The following DDIAS variants were observed in gnomAD, a reference collection of about 807,000 sequenced individuals.
DDIAS encodes DNA damage-induced apoptosis suppressor protein.
A neutral mutation model predicts 15.7 loss-of-function variants in DDIAS; 14 were observed. The observed-to-expected ratio is 0.89, with a 90% CI of 0.59 to 1.39. DDIAS has a LOEUF of 1.39. DDIAS is among the 40% of genes most tolerant of loss of function. The pLI, the probability that DDIAS is intolerant of heterozygous loss-of-function variation, is 0.00. For synonymous variants in DDIAS, 355 were observed against 395.9 expected, an observed-to-expected ratio of 0.90 and a Z score of 1.23; for missense variants, 1,035 against 1,130.9, an observed-to-expected ratio of 0.92 and a Z score of 1.22.
rs1860727732 is a variant in DDIAS, at chr11:82,920,637, G to A, written c.113+5786G>A. On this transcript the variant is annotated intron_variant, in intron 3 of 5. Transcript: ENST00000533655. ...CATCTTGATTTCATTTTTGATCCAAGGATCATTCAGGAGCAGCTTATTTAA... is the reference window on the plus strand; with the variant it reads ...CATCTTGATTTCATTTTTGATCCAAAGATCATTCAGGAGCAGCTTATTTAA... 1.3e-5 allele frequency among the ~76,000 whole-genome samples: 2 copies of A among 152,120 alleles called. 1 individual carries two copies. The highest frequency in any genetic ancestry group is 4.1e-4 in the South Asian group (2 of 4,826).
At chr11:82,918,511 C>T (rs756967356) in intron 3 of DDIAS, among the ~76,000 whole-genome samples, 2 of 152,258 alleles carry the variant, frequency 1.3e-5, no homozygotes, top group Admixed American at 1.3e-4. Flanking sequence ...TCAGGTAATG[C>T]GATGCCTCCA....
rs979332400 is a variant in DDIAS, at chr11:82,919,754, C to T, written c.113+4903C>T. On this transcript the variant is annotated intron_variant, in intron 3 of 5. Coordinates refer to ENST00000533655, the MANE Select transcript of DDIAS (RefSeq NM_145018.4). The stretch of plus-strand genomic sequence containing the variant: ...TTTTTTTCGTTGGTTTTTTTTGAGA[C>T]GGAGTCTCACTCTGTCGCCCAGGCT... Among the ~76,000 whole-genome samples the T allele has an allele frequency of 9.9e-5, 15 of 152,090 alleles. No individual in the cohort carries two copies. In the South Asian group the frequency reaches 1.5e-3, roughly 15 times the overall value.
rs200129343 is a variant in DDIAS at position 82,931,746 on chromosome 11, A to G, written c.408A>G (p.Gln136=). ...FIFGVTNFEN[Q]PGQGSDASNF... The stretch of plus-strand genomic sequence containing the variant: ...TTCTTTCACAGAATTTTGAAAACCA[A>G]CCTGGACAAGGTTCAGATGCCAGTA... The change falls in exon 6 of 6, where the codon CAA becomes CAG. Residue 136 remains glutamine (Q), a synonymous_variant. Coordinates refer to ENST00000533655, the MANE Select transcript of DDIAS (RefSeq NM_145018.4). 6.3e-7 allele frequency: 1 copy of G among 1,580,288 alleles called. No individual in the cohort carries two copies. Among genetic ancestry groups the G allele is most frequent in the African/African-American group, 1.4e-5 (1 of 73,032 alleles).
chr11:82,926,221 C>T (rs1860859485), intron 3 of DDIAS, among the ~76,000 whole-genome samples: 1 of 151,308 alleles, frequency 6.6e-6, no homozygotes, highest in Non-Finnish European at 1.5e-5. Flanking sequence ...TCCTAAGTAG[C>T]TGGGACTACA....
Position 82,932,845 on chromosome 11 carries a change from C to A in DDIAS, c.1507C>A (p.Leu503Ile). The change falls in exon 6 of 6, where the codon CTA (leucine) becomes ATA (isoleucine). Residue 503 changes from leucine (L) to isoleucine (I), a missense_variant. By Grantham distance (5) the Leu-to-Ile change is conservative. Coordinates refer to ENST00000533655, the MANE Select transcript of DDIAS (RefSeq NM_145018.4). Reference protein sequence around the residue: ...DDFLFNCKGNLSPSVEKESQP... With the variant: ...DDFLFNCKGNISPSVEKESQP... ...CTTCCTTTTCAACTGTAAAGGAAAT[C>A]TAAGTCCTAGTGTTGAAAAGGAGTC... 1.9e-6 allele frequency: 3 copies of A among 1,613,402 alleles called. No homozygotes were observed. The African/African-American group carries it at 4.0e-5, about 22-fold the overall frequency.
At position 82,933,809 on chromosome 11, in the gene DDIAS, CA is replaced by C; in HGVS notation, c.2477del (p.Asn826IlefsTer2). ...NDKQQASPSCPKNIKTPSQKI... is the reference protein window; with the variant it reads ...NDKQQASPSCXKNIKTPSQKI... The stretch of plus-strand genomic sequence containing the variant: ...AAACAGCAAGCCAGCCCAAGCTGTC[CA>C]AAAAATATAAAAACACCTAGCCAGA... On this transcript the variant is annotated frameshift_variant, in exon 6 of 6. Transcript: ENST00000533655. LOFTEE classifies it low-confidence loss of function (END_TRUNC). 6.2e-7 allele frequency: 1 copy of C among 1,613,070 alleles called. No homozygotes were observed. Among genetic ancestry groups the C allele is most frequent in the Non-Finnish European group, 8.5e-7 (1 of 1,179,810 alleles).
chr11:82,928,938 G>A lies in DDIAS; in HGVS notation c.275G>A (p.Arg92Lys), dbSNP rs536127351. ...GGTCTTACTGCCACTGGTTTGCACA[G>A]GTAAGAATACTTAAAACATCCTTTT... is the stretch of plus-strand genomic sequence containing the variant. ...FFGLTATGLH[R>K]YIQDPNKIPE... is the part of the protein sequence containing the mutation. The change falls in exon 4 of 6, where the codon AGG becomes AAG. Residue 92 changes from arginine (R) to lysine (K), a missense_variant and splice_region_variant. Transcript: ENST00000533655. 2 of 1,600,126 alleles carry A rather than the reference G, an allele frequency of 1.2e-6. No homozygotes were observed. Among genetic ancestry groups the A allele is most frequent in the South Asian group, 1.1e-5 (1 of 87,884 alleles).
chr11:82,932,927 CA>C lies in DDIAS; in HGVS notation c.1590del (p.Glu531AsnfsTer19). The C allele has an allele frequency of 6.2e-7, 1 of 1,611,690 alleles. No individual in the cohort carries two copies. The highest frequency in any genetic ancestry group is 1.1e-5 in the South Asian group (1 of 90,856). On this transcript the variant is annotated frameshift_variant, in exon 6 of 6. Transcript: ENST00000533655. LOFTEE classifies it low-confidence loss of function (END_TRUNC). ...VSVNHNGRDM[S>X]EYFLPNPYLS... ...GTAAATCATAATGGAAGAGATATGT[CA>C]GAATATTTTTTACCGAATCCTTACC...
At chr11:82,907,609 C>T (rs1055292464) in intron 1 of DDIAS, among the ~76,000 whole-genome samples, 1 of 152,116 alleles carries the variant, frequency 6.6e-6, no homozygotes, top group Non-Finnish European at 1.5e-5. Flanking sequence ...GGCGCAATAC[C>T]GCGCACTGCA....
intron 1 of DDIAS, among the ~76,000 whole-genome samples, chr11:82,909,570 T>A (rs1247307376): frequency 1.3e-5 from 2 of 152,184 alleles, no homozygotes; most frequent in East Asian, 1.9e-4. Flanking sequence ...TTCACAAAAT[T>A]GTTGTAATTT....
At chr11:82,917,820 T>C (rs1341329456) in intron 3 of DDIAS, among the ~76,000 whole-genome samples, 5 of 152,192 alleles carry the variant, frequency 3.3e-5, no homozygotes, top group African/African-American at 7.2e-5. Context: ...TGGTTTTTGA[T>C]TTTTTGATTA....
At chr11:82,906,855 A>G (rs763791534) in intron 1 of DDIAS, among the ~76,000 whole-genome samples, 59 of 152,212 alleles carry the variant, frequency 3.9e-4, no homozygotes, top group Non-Finnish European at 7.5e-4. Context: ...ATTGTGTTTT[A>G]TATTTAACGC....
intron 1 of DDIAS, among the ~76,000 whole-genome samples, chr11:82,903,569 CTCTT>C (rs1288680861): frequency 1.3e-5 from 2 of 152,148 alleles, no homozygotes; most frequent in Non-Finnish European, 2.9e-5. Flanking sequence ...AAGATTTTGT[CTCTT>C]TGTTTTTTTG....
chr11:82,912,893 T>C (rs780820846), intron 1 of DDIAS, among the ~76,000 whole-genome samples: 6 of 152,134 alleles, frequency 3.9e-5, no homozygotes, highest in Non-Finnish European at 8.8e-5. Context: ...ATTTCAATAT[T>C]GTTGTGTCTC....
chr11:82,931,925 A>T lies in DDIAS; in HGVS notation c.587A>T (p.Asp196Val), dbSNP rs768520975. The T allele has an allele frequency of 6.2e-7, 1 of 1,614,048 alleles. No individual in the cohort carries two copies. The highest frequency in any genetic ancestry group is 1.1e-5 in the South Asian group (1 of 91,076). The change falls in exon 6 of 6, where the codon GAC (aspartate) becomes GTC (valine). Residue 196 changes from aspartate (D) to valine (V), a missense_variant. Coordinates refer to ENST00000533655, the MANE Select transcript of DDIAS (RefSeq NM_145018.4). ...QTFNFRKLQC[D>V]SQAPNNHLLA... ...TTTAATTTCAGGAAACTTCAGTGTG[A>T]CTCTCAGGCACCTAACAATCACTTA...
chr11:82,919,117 G>C (rs1473271889), intron 3 of DDIAS, among the ~76,000 whole-genome samples: 8 of 152,124 alleles, frequency 5.3e-5, no homozygotes, highest in Non-Finnish European at 1.5e-5. Flanking sequence ...CATTGTCTAG[G>C]ACTTCCAGTA....
intron 3 of DDIAS, among the ~76,000 whole-genome samples, chr11:82,921,171 TTG>T: frequency 6.6e-6 from 1 of 152,234 alleles, no homozygotes; most frequent in East Asian, 1.9e-4. Flanking sequence ...AAGTTTGTTT[TTG>T]TCTAATATAA....
At position 82,934,445 on chromosome 11, in the gene DDIAS, G is replaced by A; in HGVS notation, c.*110G>A. On this transcript the variant is annotated 3_prime_UTR_variant, in exon 6 of 6. Transcript: ENST00000533655. ...TTGAACACTTGGAGAGAAGCAAATT[G>A]AAAACAGGACTCTGCTGGGAGCTAC... 1.8e-6 allele frequency: 2 copies of A among 1,133,008 alleles called. No individual in the cohort carries two copies. Among genetic ancestry groups the A allele is most frequent in the Non-Finnish European group, 2.5e-6 (2 of 814,382 alleles). 70.2% of individuals were successfully genotyped at this position (1,133,008 alleles called of 1,614,324 possible). A position where few individuals can be genotyped will look rare whatever the true frequency, so the allele number is the denominator to read the frequency against.
rs79491695 is a variant in DDIAS, at chr11:82,925,130, A to G, written c.114-3647A>G. On this transcript the variant is annotated intron_variant, in intron 3 of 5. Transcript: ENST00000533655. ...ACATTAAAGAGATTTGCAAAATGTA[A>G]AACAATGCTGGTCTCTTCTTACTAA... Among the ~76,000 whole-genome samples, 37 of 152,378 alleles carry G rather than the reference A, an allele frequency of 2.4e-4. No individual in the cohort carries two copies. In the East Asian group the frequency reaches 6.7e-3, roughly 28 times the overall value.
Sources: allele counts gnomAD v4.1 joint callset (sites outside exome capture counted in the v4.1 genomes callset), GRCh38; gene constraint gnomAD v4.1.1; transcripts MANE v1.5; gene names NCBI Gene and HGNC (gene_info 2026-07-23, HGNC 2026-07-21).